BCAS3: variants seen among roughly 807,000 people sequenced by gnomAD.
BCAS3 encodes the protein BCAS4/BCAS3 fusion.
Under a neutral mutation model 116.1 loss-of-function variants are expected in BCAS3, and 53 were observed. The observed-to-expected ratio is 0.46, with a 90% CI of 0.37 to 0.57. BCAS3 has a LOEUF of 0.57. Ranked by LOEUF, BCAS3 falls within the 20% of genes least tolerant of loss-of-function variation. BCAS3 has a pLI of 0.00. For synonymous variants in BCAS3, 391 were observed against 408.2 expected, an observed-to-expected ratio of 0.96 and a Z score of 0.51; for missense variants, 917 against 1,165.4, an observed-to-expected ratio of 0.79 and a Z score of 3.10.
rs1333644105 is a variant in BCAS3 at position 61,388,702 on chromosome 17, G to A, written c.2594-3275G>A. 2 of 1,549,926 alleles carry A rather than the reference G, an allele frequency of 1.3e-6. No homozygotes were observed. The highest frequency in any genetic ancestry group is 1.7e-6 in the Non-Finnish European group (2 of 1,155,556). On this transcript the variant is annotated intron_variant, in intron 23 of 23. Transcript: ENST00000407086. The surrounding 1 kb of genome is among the most constrained non-coding windows in gnomAD (Gnocchi z 6.5). ...AGTAACAAAGCATGCGTTCGGGATG[G>A]AGGAAGGTAAGGCCACACGTTTCCA...
At chr17:60,767,139 C>A (rs145050235) in intron 6 of BCAS3, among the ~76,000 whole-genome samples, 224 of 152,308 alleles carry the variant, frequency 1.5e-3, no homozygotes, top group Non-Finnish European at 2.7e-3. Context: ...TCCCCCGACC[C>A]TTTGCGCTTC....
intron 12 of BCAS3, among the ~76,000 whole-genome samples, chr17:60,920,870 A>AAACAACAACAACAAC (rs58062382): frequency 1.1e-4 from 16 of 146,654 alleles, no homozygotes; most frequent in Admixed American, 9.6e-4. Flanking sequence ...ACTCCATCGC[A>AAACAACAACAACAAC]AACAACAACA....
At chr17:60,833,520 C>G (rs968757430) in intron 7 of BCAS3, among the ~76,000 whole-genome samples, 1 of 152,138 alleles carries the variant, frequency 6.6e-6, no homozygotes, top group African/African-American at 2.4e-5. Context: ...CAGATTGCTT[C>G]ATTATAACCT....
chr17:60,950,958 G>A (rs1788454027), intron 14 of BCAS3, among the ~76,000 whole-genome samples: 1 of 152,186 alleles, frequency 6.6e-6, no homozygotes, highest in Non-Finnish European at 1.5e-5. Flanking sequence ...GCGTTGCATA[G>A]TGAATCCCGT....
At chr17:61,038,199 A>C in intron 18 of BCAS3, 145 bp downstream of exon 18, 1 of 689,440 alleles carries the variant, frequency 1.5e-6, no homozygotes, top group Non-Finnish European at 2.3e-6. Flanking sequence ...TCACTCTCAA[A>C]TGTTTCTTGG....
At chr17:61,287,537 G>A (rs1001129188) in intron 22 of BCAS3, among the ~76,000 whole-genome samples, 1 of 152,024 alleles carries the variant, frequency 6.6e-6, no homozygotes, top group African/African-American at 2.4e-5. Context: ...ACCAGCCTAA[G>A]CAACATAGTG....
rs1489311087 is a variant in BCAS3 at position 61,029,201 on chromosome 17, A to C, written c.1638-5465A>C. Among the ~76,000 whole-genome samples, 1 of 151,994 alleles carries C rather than the reference A, an allele frequency of 6.6e-6. No individual in the cohort carries two copies. Among genetic ancestry groups the C allele is most frequent in the Non-Finnish European group, 1.5e-5 (1 of 67,886 alleles). On this transcript the variant is annotated intron_variant, in intron 16 of 23. Coordinates refer to ENST00000407086, the MANE Select transcript of BCAS3 (RefSeq NM_017679.5). This position sits in a 1 kb window ranked among gnomAD's most constrained non-coding sequence, Gnocchi z 5.2. ...AACTTTTTATTAGTTTCGAGTTGCA[A>C]CGTTAACACTTAGCTAAGAATTTGC...
chr17:61,268,060 AGACT>A lies in BCAS3; in HGVS notation c.2426-100265_2426-100262del, dbSNP rs575906136. On this transcript the variant is annotated intron_variant, in intron 22 of 23. Coordinates refer to ENST00000407086, the MANE Select transcript of BCAS3 (RefSeq NM_017679.5). Reference sequence around the variant, plus strand: ...TGTAGATGTCACTCAGGCCACAGACAGACTGTCATTCACTGAAGACACAGTATCC... The same window carrying A: ...TGTAGATGTCACTCAGGCCACAGACAGTCATTCACTGAAGACACAGTATCC... 7.2e-3 allele frequency among the ~76,000 whole-genome samples: 1,095 copies of A among 152,344 alleles called. 7 individuals are homozygous for A. The highest frequency in any genetic ancestry group is 0.025 in the African/African-American group (1,035 of 41,576).
chr17:61,289,771 A>G (rs1380356432), intron 22 of BCAS3, among the ~76,000 whole-genome samples: 1 of 152,238 alleles, frequency 6.6e-6, no homozygotes, highest in East Asian at 1.9e-4. Flanking sequence ...GGAGAAGGCT[A>G]AAAGGATTTA....
At chr17:60,700,173 CAAAA>C (rs531616609) in intron 4 of BCAS3, among the ~76,000 whole-genome samples, 2 of 121,598 alleles carry the variant, frequency 1.6e-5, no homozygotes, top group Non-Finnish European at 3.2e-5. Context: ...GACCCTGTCT[CAAAA>C]AAAAAAAAGA....
rs1029282653 is a variant in BCAS3 at position 61,356,992 on chromosome 17, G to C, written c.2426-11335G>C. The C allele has an allele frequency of 7.2e-5, 11 of 152,172 alleles. No individual in the cohort carries two copies. Among genetic ancestry groups the C allele is most frequent in the Non-Finnish European group, 1.6e-4 (11 of 68,022 alleles). 9.4% of individuals were successfully genotyped at this position (152,172 alleles called of 1,614,324 possible). ...AGAGGAGGCATCGCAGCAAGGTCAG[G>C]TGCCTCCCGTGCTTCTTATGGGCCC... On this transcript the variant is annotated intron_variant, in intron 22 of 23. Coordinates refer to ENST00000407086, the MANE Select transcript of BCAS3 (RefSeq NM_017679.5). This position sits in a 1 kb window ranked among gnomAD's most constrained non-coding sequence, Gnocchi z 5.4.
intron 4 of BCAS3, among the ~76,000 whole-genome samples, chr17:60,701,465 A>G (rs919942807): frequency 6.6e-6 from 1 of 152,226 alleles, no homozygotes; most frequent in Non-Finnish European, 1.5e-5. Flanking sequence ...GTGGGTTTGA[A>G]CTGTGCGGGT....
intron 23 of BCAS3, among the ~76,000 whole-genome samples, chr17:61,386,773 G>GTT (rs59596790): frequency 0.023 from 3,301 of 143,182 alleles, 54 homozygotes; most frequent in African/African-American, 0.049. Context: ...TTTCCTTACT[G>GTT]TTTTTTTTTG....
At chr17:61,360,460 G>A (rs997960080) in intron 22 of BCAS3, among the ~76,000 whole-genome samples, 7 of 152,220 alleles carry the variant, frequency 4.6e-5, no homozygotes, top group Admixed American at 1.3e-4. Flanking sequence ...AACAACAGAT[G>A]TATTCTCTTG....
At chr17:61,334,392 C>T (rs985659011) in intron 22 of BCAS3, among the ~76,000 whole-genome samples, 11 of 152,004 alleles carry the variant, frequency 7.2e-5, no homozygotes, top group Admixed American at 1.3e-4. Context: ...ATGGGCCGGG[C>T]GCGGTGGCTC....
chr17:61,140,041 G>C lies in BCAS3; in HGVS notation c.2425+55477G>C, dbSNP rs7220582. On this transcript the variant is annotated intron_variant, in intron 22 of 23. Coordinates refer to ENST00000407086, the MANE Select transcript of BCAS3 (RefSeq NM_017679.5). This position sits in a 1 kb window ranked among gnomAD's most constrained non-coding sequence, Gnocchi z 4.2. ...ACTTGAGGTCAGGAGTTCGAGGTCA[G>C]ACTGGCCAATATAGTGAAACCCCAT... Among the ~76,000 whole-genome samples, 128,324 of 152,084 alleles carry C rather than the reference G, an allele frequency of 0.84. 58,164 individuals carry two copies. The highest frequency in any genetic ancestry group is 1 in the Non-Finnish European group (67,771 of 68,014).
intron 7 of BCAS3, among the ~76,000 whole-genome samples, chr17:60,815,457 GA>G (rs879885435): frequency 1.2e-3 from 184 of 148,014 alleles, no homozygotes; most frequent in Non-Finnish European, 1.8e-3. Context: ...AAAAAAAAAG[GA>G]AAAAAAAAAG....
rs925294560 is a variant in BCAS3, at chr17:60,811,462, A to G, written c.476+3386A>G. ...GCGACATCAAAGTTCTGAGACATTA[A>G]GCCAGCAGAAGCAGTGTACCCTTTG... On this transcript the variant is annotated intron_variant, in intron 7 of 23. Transcript: ENST00000407086. 10 of 564,028 alleles carry G rather than the reference A, an allele frequency of 1.8e-5. No homozygotes were observed. In the Admixed American group the frequency reaches 1.8e-4, roughly 10 times the overall value. 34.9% of individuals were successfully genotyped at this position (564,028 alleles called of 1,614,324 possible). A position where few individuals can be genotyped will look rare whatever the true frequency, so the allele number is the denominator to read the frequency against.
At chr17:60,721,906 C>T (rs1025658092) in intron 5 of BCAS3, among the ~76,000 whole-genome samples, 2 of 152,132 alleles carry the variant, frequency 1.3e-5, no homozygotes, top group Non-Finnish European at 2.9e-5. Context: ...TGACTTCTAT[C>T]ACCATAGATT....
Sources: gnomAD v4.1 joint callset for allele counts (sites outside exome capture counted in the v4.1 genomes callset) on GRCh38, gnomAD v4.1.1 for gene constraint, Gnocchi (gnomAD v3.1) non-coding constraint, MANE v1.5 for transcripts, NCBI Gene and HGNC (gene_info 2026-07-23, HGNC 2026-07-21) for gene names.